TENM3: variants seen among roughly 807,000 people sequenced by gnomAD.
TENM3 encodes teneurin-3.
A neutral mutation model predicts 255.1 loss-of-function variants in TENM3; 63 were observed. That is an observed-to-expected ratio of 0.25 (90% CI 0.20 to 0.30). The LOEUF (loss-of-function observed/expected upper bound fraction) is 0.30. Ranked by LOEUF, TENM3 falls within the 10% of genes least tolerant of loss-of-function variation. TENM3 has a pLI of 1.00. For synonymous variants in TENM3, 1,306 were observed against 1,322.3 expected (o/e 0.99, Z 0.27); for missense variants, 2,929 against 3,461.1 (o/e 0.85, Z 3.86).
the TENM3 span, among the ~76,000 whole-genome samples, chr4:181,889,199 G>A: frequency 2.0e-5 from 3 of 152,174 alleles, no homozygotes; most frequent in South Asian, 2.1e-4. Flanking sequence ...ATCACAGGGC[G>A]GATCCCTCAT....
At chr4:182,035,285 A>G in the TENM3 span, among the ~76,000 whole-genome samples, 1 of 152,200 alleles carries the variant, frequency 6.6e-6, no homozygotes, top group Non-Finnish European at 1.5e-5. Flanking sequence ...GCATGGCAAC[A>G]CAGTTTAAAT....
the TENM3 span, among the ~76,000 whole-genome samples, chr4:181,675,760 G>A: frequency 8.5e-5 from 13 of 152,080 alleles, no homozygotes; most frequent in East Asian, 1.6e-3. Flanking sequence ...ATTTTTCTCT[G>A]AAAATAATTT....
chr4:182,325,670 A>C (rs956569832), intron 2 of TENM3, among the ~76,000 whole-genome samples: 1 of 152,220 alleles, frequency 6.6e-6, no homozygotes, highest in Admixed American at 6.5e-5. Flanking sequence ...GTAGAAATGC[A>C]TGCAATCTGC....
At chr4:182,031,001 G>A in the TENM3 span, among the ~76,000 whole-genome samples, 1 of 152,066 alleles carries the variant, frequency 6.6e-6, no homozygotes, top group Non-Finnish European at 1.5e-5. Flanking sequence ...CACTCTGTAG[G>A]TTTCCTCTTT....
At chr4:181,685,923 A>G in the TENM3 span, among the ~76,000 whole-genome samples, 1 of 152,152 alleles carries the variant, frequency 6.6e-6, no homozygotes, top group East Asian at 1.9e-4. Context: ...AACTTTTCAA[A>G]TATTGTTCTC....
chr4:182,331,897 G>T (rs1031150801), intron 2 of TENM3, among the ~76,000 whole-genome samples: 1 of 152,136 alleles, frequency 6.6e-6, no homozygotes, highest in Non-Finnish European at 1.5e-5. Context: ...GTTAAAACAC[G>T]TTAGTAGTGA....
chr4:182,309,187 G>A (rs1173491405), intron 1 of TENM3, among the ~76,000 whole-genome samples: 2 of 152,148 alleles, frequency 1.3e-5, no homozygotes, highest in East Asian at 1.9e-4. Context: ...TTGGGAATTC[G>A]TCTGTCCACT....
the TENM3 span, among the ~76,000 whole-genome samples, chr4:181,627,037 C>G: frequency 2.6e-5 from 4 of 152,130 alleles, no homozygotes; most frequent in Non-Finnish European, 5.9e-5. Flanking sequence ...CAAGGTTTCC[C>G]TGCAGGAGAA....
In TENM3 at chr4:182,385,549, G is replaced by A. The variant is rs940703364; in HGVS notation, c.511+38620G>A. 2.6e-5 allele frequency among the ~76,000 whole-genome samples: 4 copies of A among 152,144 alleles called. No homozygotes were observed. In the South Asian group the frequency reaches 6.2e-4, roughly 24 times the overall value. The stretch of plus-strand genomic sequence containing the variant: ...CAAAGTGCTGGGATTATAGGCGTGA[G>A]CCACCGCGCCCAGCCAGTGCATCTT... On this transcript the variant is annotated intron_variant, in intron 3 of 27. Transcript: ENST00000511685.
intron 12 of TENM3, 52 bp downstream of exon 12, chr4:182,688,403 C>G (rs775590321): frequency 1.5e-6 from 2 of 1,357,076 alleles, no homozygotes; most frequent in Non-Finnish European, 1.9e-6. Context: ...AGAAGAGCAC[C>G]GACGGTCAGC....
chr4:181,687,433 G>A, the TENM3 span, among the ~76,000 whole-genome samples: 6 of 152,238 alleles, frequency 3.9e-5, no homozygotes, highest in African/African-American at 1.4e-4. Flanking sequence ...TCTCTTTTCA[G>A]CTTCATAGTC....
At chr4:181,731,163 T>C in the TENM3 span, among the ~76,000 whole-genome samples, 3 of 152,194 alleles carry the variant, frequency 2.0e-5, no homozygotes, top group Non-Finnish European at 2.9e-5. Context: ...TCATATGAGA[T>C]ACATTTTTTT....
the TENM3 span, among the ~76,000 whole-genome samples, chr4:182,013,101 G>A: frequency 2.0e-5 from 3 of 152,194 alleles, no homozygotes; most frequent in South Asian, 2.1e-4. Context: ...AATGAATGGC[G>A]AGCATTCAAA....
chr4:182,711,636 A>T, intron 12 of TENM3: 2 of 876,252 alleles, frequency 2.3e-6, no homozygotes, highest in Non-Finnish European at 2.7e-6. Flanking sequence ...ACATATCTAC[A>T]TATATATCTC....
the TENM3 span, among the ~76,000 whole-genome samples, chr4:181,849,318 CT>C: frequency 6.6e-6 from 1 of 152,166 alleles, no homozygotes; most frequent in Non-Finnish European, 1.5e-5. Context: ...TTACAGGCAT[CT>C]CAGTTGGACT....
intron 1 of TENM3, among the ~76,000 whole-genome samples, chr4:182,310,981 A>G (rs1186203340): frequency 1.3e-5 from 2 of 152,190 alleles, no homozygotes; most frequent in African/African-American, 4.8e-5. Context: ...AAGTACTGGG[A>G]TTACAGGCGT....
At chr4:182,006,457 G>A in the TENM3 span, among the ~76,000 whole-genome samples, 12 of 152,096 alleles carry the variant, frequency 7.9e-5, no homozygotes, top group Non-Finnish European at 1.8e-4. Context: ...AGTCTTGGTA[G>A]GTTGTATGCA....
At chr4:182,094,422 G>A in the TENM3 span, among the ~76,000 whole-genome samples, 4 of 151,962 alleles carry the variant, frequency 2.6e-5, no homozygotes, top group Non-Finnish European at 4.4e-5. Context: ...ATTTTTGTAC[G>A]TTTTTAGTAG....
At chr4:181,917,488 C>T in the TENM3 span, among the ~76,000 whole-genome samples, 1 of 151,846 alleles carries the variant, frequency 6.6e-6, no homozygotes. Flanking sequence ...AGATAAAATC[C>T]TCAAGGGCAG....
Sources: allele counts gnomAD v4.1 joint callset (sites outside exome capture counted in the v4.1 genomes callset), GRCh38; gene constraint gnomAD v4.1.1; transcripts MANE v1.5; gene names NCBI Gene and HGNC (gene_info 2026-07-23, HGNC 2026-07-21).